SDK1: variants seen among roughly 807,000 people sequenced by gnomAD.
SDK1 encodes the protein sidekick cell adhesion molecule 1, also known as protein sidekick-1.
A neutral mutation model predicts 245.5 loss-of-function variants in SDK1; 157 were observed. The ratio of observed to expected loss-of-function variants is 0.64; its 90% CI spans 0.56 to 0.73. The LOEUF (loss-of-function observed/expected upper bound fraction) is 0.73, where lower values mean the gene tolerates loss of function less well. Ranked by LOEUF, SDK1 falls within the 30% of genes least tolerant of loss-of-function variation. The pLI is 0.00. For synonymous variants in SDK1, 1,647 were observed against 1,278.5 expected, an observed-to-expected ratio of 1.29 and a Z score of -6.15; for missense variants, 3,583 against 3,002.3, an observed-to-expected ratio of 1.19 and a Z score of -4.52.
Position 3,987,288 on chromosome 7 carries a change from T to G in SDK1, c.2097T>G (p.Pro699=), listed in dbSNP as rs140921107. The stretch of plus-strand genomic sequence containing the variant: ...TCCGGCCCTTTGATGGAAACAGTCC[T>G]ATTCTTTATTACATCGTGGAGCTCT... ...SWVRPFDGNS[P]ILYYIVELSE... The change falls in exon 14 of 45, where the codon CCT becomes CCG. Residue 699 remains proline (P), a synonymous_variant. Coordinates refer to ENST00000404826, the MANE Select transcript of SDK1 (RefSeq NM_152744.4). The G allele has an allele frequency of 2.9e-5, 46 of 1,614,016 alleles. No individual in the cohort carries two copies. In the African/African-American group the frequency reaches 5.9e-4, roughly 21 times the overall value.
At chr7:3,998,365 T>G (rs921146842) in intron 14 of SDK1, among the ~76,000 whole-genome samples, 9 of 152,272 alleles carry the variant, frequency 5.9e-5, no homozygotes, top group Admixed American at 2.6e-4. Flanking sequence ...GATACTGACT[T>G]GAATGAGCAG....
chr7:4,205,951 C>T lies in SDK1; in HGVS notation c.5171C>T (p.Pro1724Leu). ...AGCCAGCTGGAGGTCACGTGGGACCCACCACCCCCGGAGAGCCAGAATGGG... is the reference window on the plus strand; with the variant it reads ...AGCCAGCTGGAGGTCACGTGGGACCTACCACCCCCGGAGAGCCAGAATGGG... ...TASQLEVTWD[P>L]PPPESQNGNI... is the part of the protein sequence containing the mutation. Residue 1724 changes from proline (P) to leucine (L), a missense_variant, in exon 36 of 45, where the codon CCA (proline) becomes CTA (leucine). Physicochemically the swap from Pro to Leu is moderately conservative, Grantham distance 98 (BLOSUM62 -3). Transcript: ENST00000404826. 7.7e-6 allele frequency: 12 copies of T among 1,563,300 alleles called. No homozygotes were observed. Among genetic ancestry groups the T allele is most frequent in the Non-Finnish European group, 9.5e-6 (11 of 1,153,370 alleles).
Position 4,017,192 on chromosome 7 carries a change from C to T in SDK1, c.2442C>T (p.Pro814=), listed in dbSNP as rs367971108. The part of the protein sequence containing the change: ...YILRYRLAGL[P]GEYQQRNITS... ...GCAGGTACCGCCTGGCTGGCCTTCC[C>T]GGAGAGTACCAGCAGCGGAACATCA... Residue 814 remains proline (P), a synonymous_variant, in exon 17 of 45, where the codon CCC becomes CCT. Coordinates refer to ENST00000404826, the MANE Select transcript of SDK1 (RefSeq NM_152744.4). The T allele has an allele frequency of 2.8e-5, 45 of 1,612,320 alleles. No homozygotes were observed. Among genetic ancestry groups the T allele is most frequent in the African/African-American group, 2.5e-4 (19 of 74,856 alleles).
At chr7:3,318,719 G>A (rs116051768) in intron 1 of SDK1, among the ~76,000 whole-genome samples, 2,371 of 152,226 alleles carry the variant, frequency 0.016, 55 homozygotes, top group African/African-American at 0.047. Flanking sequence ...GCCTGTTGAT[G>A]AATATATTGA....
At chr7:3,742,476 C>T (rs2115053978) in intron 4 of SDK1, among the ~76,000 whole-genome samples, 1 of 152,222 alleles carries the variant, frequency 6.6e-6, no homozygotes, top group East Asian at 1.9e-4. Context: ...TTACACAAAC[C>T]AGCCCTAGGA....
intron 4 of SDK1, among the ~76,000 whole-genome samples, chr7:3,648,076 C>G (rs1168614351): frequency 2.0e-5 from 3 of 152,146 alleles, no homozygotes; most frequent in Admixed American, 6.5e-5. Flanking sequence ...AGTTTGCTAT[C>G]TTTGCATATC....
chr7:3,640,808 T>G (rs1212655023), intron 3 of SDK1, among the ~76,000 whole-genome samples: 3 of 151,948 alleles, frequency 2.0e-5, no homozygotes, highest in Non-Finnish European at 4.4e-5. Flanking sequence ...TTCAGCCTCC[T>G]GAGCAGCTGG....
intron 14 of SDK1, among the ~76,000 whole-genome samples, chr7:4,006,468 C>T (rs780668797): frequency 3.9e-5 from 6 of 152,326 alleles, no homozygotes; most frequent in East Asian, 1.9e-4. Context: ...CTGTGAGGAC[C>T]GGCTGGGGGC....
At chr7:3,454,349 TTTA>T (rs1780608409) in intron 1 of SDK1, among the ~76,000 whole-genome samples, 1 of 152,146 alleles carries the variant, frequency 6.6e-6, no homozygotes, top group East Asian at 1.9e-4. Context: ...AAAATGAACT[TTTA>T]TTAATGCATT....
chr7:3,326,989 A>G lies in SDK1; in HGVS notation c.298+25105A>G, dbSNP rs79574329. 3.2e-3 allele frequency among the ~76,000 whole-genome samples: 494 copies of G among 152,308 alleles called. 1 individual carries two copies. The highest frequency in any genetic ancestry group is 0.011 in the African/African-American group (467 of 41,574). ...TTCCTGTGGGTTTACACCAATTGCA[A>G]AAGTGTAATTTAGCTCTTAGGTTGA... On this transcript the variant is annotated intron_variant, in intron 1 of 44. Coordinates refer to ENST00000404826, the MANE Select transcript of SDK1 (RefSeq NM_152744.4).
chr7:3,964,769 A>G (rs1781969489), intron 9 of SDK1, among the ~76,000 whole-genome samples: 1 of 152,186 alleles, frequency 6.6e-6, no homozygotes, highest in Non-Finnish European at 1.5e-5. Flanking sequence ...AATCAGTGTC[A>G]CTGTGTGCAC....
At chr7:3,535,431 A>T (rs975419967) in intron 1 of SDK1, among the ~76,000 whole-genome samples, 1 of 152,170 alleles carries the variant, frequency 6.6e-6, no homozygotes, top group African/African-American at 2.4e-5. Flanking sequence ...TGCCAACAAC[A>T]TCTGATTACT....
At chr7:3,461,034 T>C (rs970554475) in intron 1 of SDK1, among the ~76,000 whole-genome samples, 1 of 152,212 alleles carries the variant, frequency 6.6e-6, no homozygotes, top group African/African-American at 2.4e-5. Flanking sequence ...TATACAGATT[T>C]AACGGGATTT....
intron 5 of SDK1, among the ~76,000 whole-genome samples, chr7:3,871,787 C>T (rs565327209): frequency 6.6e-6 from 1 of 152,184 alleles, no homozygotes; most frequent in Non-Finnish European, 1.5e-5. Flanking sequence ...GGCCCCACCT[C>T]CAACACTGGG....
intron 1 of SDK1, among the ~76,000 whole-genome samples, chr7:3,609,156 T>C (rs1463949456): frequency 6.6e-6 from 1 of 152,204 alleles, no homozygotes; most frequent in Non-Finnish European, 1.5e-5. Flanking sequence ...TTAATAACTT[T>C]TTAAAGTTCA....
intron 14 of SDK1, among the ~76,000 whole-genome samples, chr7:3,991,378 T>C (rs933955900): frequency 1.3e-5 from 2 of 152,138 alleles, no homozygotes; most frequent in African/African-American, 2.4e-5. Context: ...CAGGCAGAAA[T>C]GGCTTTTCCC....
intron 1 of SDK1, among the ~76,000 whole-genome samples, chr7:3,420,468 G>A (rs1224779371): frequency 6.6e-6 from 1 of 152,078 alleles, no homozygotes; most frequent in Non-Finnish European, 1.5e-5. Flanking sequence ...TAAATATCAG[G>A]TATCTAGTTA....
At chr7:3,443,308 A>T (rs1780251426) in intron 1 of SDK1, among the ~76,000 whole-genome samples, 1 of 152,210 alleles carries the variant, frequency 6.6e-6, no homozygotes, top group African/African-American at 2.4e-5. Context: ...CAATTTTAGA[A>T]TAGGAATAAG....
At chr7:3,571,320 G>A (rs181983371) in intron 1 of SDK1, among the ~76,000 whole-genome samples, 1 of 150,420 alleles carries the variant, frequency 6.6e-6, no homozygotes, top group Non-Finnish European at 1.5e-5. Context: ...ATTTTTTTTT[G>A]AGATGGGGAT....
Sources: gnomAD v4.1 joint callset for allele counts (sites outside exome capture counted in the v4.1 genomes callset) on GRCh38, gnomAD v4.1.1 for gene constraint, MANE v1.5 for transcripts, NCBI Gene and HGNC (gene_info 2026-07-23, HGNC 2026-07-21) for gene names.